MINDY2: variants seen among roughly 807,000 people sequenced by gnomAD.
MINDY2 encodes the protein MINDY lysine 48 deubiquitinase 2, also known as ubiquitin carboxyl-terminal hydrolase MINDY-2.
MINDY2 carries 52 observed loss-of-function variants against 68.2 expected under a neutral mutation model. The ratio of observed to expected loss-of-function variants is 0.76; its 90% CI spans 0.61 to 0.96. MINDY2 has a LOEUF of 0.96. Among genes scored for constraint, MINDY2 ranks in the 40% least tolerant of loss-of-function variants. MINDY2 has a pLI of 0.00. For missense variants in MINDY2, 881 were observed against 773.4 expected (o/e 1.14, Z -1.65); for synonymous variants, 372 against 303.0 (o/e 1.23, Z -2.36).
chr15:58,801,486 C>T (rs1433445196), intron 2 of MINDY2, among the ~76,000 whole-genome samples: 18 of 145,650 alleles, frequency 1.2e-4, no homozygotes, highest in African/African-American at 3.6e-4. Flanking sequence ...AAAGATAATA[C>T]GTAGATTTAA....
Position 58,851,962 on chromosome 15 carries a change from T to C in MINDY2, c.1734T>C (p.Ala578=), listed in dbSNP as rs2032837239. The change falls in exon 8 of 9, where the codon GCT becomes GCC. Residue 578 remains alanine (A), a synonymous_variant. Transcript: ENST00000559228. ...CTGCTGCTGCTGCTTCTACACAGGC[T>C]CAGGTAAAAACTAGTGTTTTGAGTC... ...AAAAAAASTQ[A]QQGQPAQASP... is the part of the protein sequence containing the mutation. 1 of 1,578,906 alleles carries C rather than the reference T, an allele frequency of 6.3e-7. No individual in the cohort carries two copies. Among genetic ancestry groups the C allele is most frequent in the Non-Finnish European group, 8.6e-7 (1 of 1,169,556 alleles).
intron 4 of MINDY2, among the ~76,000 whole-genome samples, chr15:58,811,911 A>G (rs1254492010): frequency 3.3e-5 from 5 of 152,190 alleles, no homozygotes; most frequent in South Asian, 2.1e-4. Context: ...GTCTACTCCT[A>G]TACTGTTTTA....
At position 58,857,177 on chromosome 15, in the gene MINDY2, G is replaced by A. The variant is rs1418425374; in HGVS notation, c.*2567G>A. 1.9e-4 allele frequency: 29 copies of A among 152,116 alleles called. No individual in the cohort carries two copies. Among genetic ancestry groups the A allele is most frequent in the Admixed American group, 5.9e-4 (9 of 15,254 alleles). The allele number at this position is 152,116 out of a possible 1,614,324, so 9.4% of individuals were successfully genotyped here. Reference sequence around the variant, plus strand: ...TAAAATGTTTGCTTTGATTACTGTGGGGGGAAAGATGAAATGTTCAATTGT... The same window carrying A: ...TAAAATGTTTGCTTTGATTACTGTGAGGGGAAAGATGAAATGTTCAATTGT... On this transcript the variant is annotated 3_prime_UTR_variant, in exon 9 of 9. Coordinates refer to ENST00000559228, the MANE Select transcript of MINDY2 (RefSeq NM_001040450.3).
chr15:58,778,215 A>G (rs1453566184), intron 1 of MINDY2, among the ~76,000 whole-genome samples: 3 of 152,210 alleles, frequency 2.0e-5, no homozygotes, highest in Admixed American at 2.0e-4. Flanking sequence ...ATTGTGATAG[A>G]GAAGATAGAG....
chr15:58,851,710 G>A (rs2032820994), intron 7 of MINDY2, 61 bp from the exon 8 acceptor site: 1 of 1,244,446 alleles, frequency 8.0e-7, no homozygotes, highest in Non-Finnish European at 1.1e-6. Flanking sequence ...GTTTGTATTT[G>A]CAGTCATTCA....
chr15:58,860,598 T>G lies in MINDY2; in HGVS notation c.*5988T>G, dbSNP rs1421095741. ...TCTCAAAAAAAAAAAAAAAAAAAAG[T>G]CAAGAAACTGAAATTCCCATTTAAG... On this transcript the variant is annotated 3_prime_UTR_variant, in exon 9 of 9. Coordinates refer to ENST00000559228, the MANE Select transcript of MINDY2 (RefSeq NM_001040450.3). The G allele has an allele frequency of 7.2e-6, 1 of 137,960 alleles. No homozygotes were observed. The highest frequency in any genetic ancestry group is 7.1e-5 in the Admixed American group (1 of 14,154). The allele number at this position is 137,960 out of a possible 1,614,324, so 8.5% of individuals were successfully genotyped here. A position where few individuals can be genotyped will look rare whatever the true frequency, so the allele number is the denominator to read the frequency against.
chr15:58,787,661 G>A (rs548433092), intron 1 of MINDY2, among the ~76,000 whole-genome samples: 158 of 151,042 alleles, frequency 1.0e-3, no homozygotes, highest in Middle Eastern at 3.4e-3. Context: ...GGCCTGAACC[G>A]GAGAGGCGCA....
At chr15:58,828,575 C>CT (rs1163905877) in intron 5 of MINDY2, among the ~76,000 whole-genome samples, 14,745 of 106,104 alleles carry the variant, frequency 0.14, 1,570 homozygotes, top group African/African-American at 0.27. Flanking sequence ...TATTGAATTT[C>CT]TTTTTTTTTT....
Position 58,851,780 on chromosome 15 carries a change from A to G in MINDY2, c.1552A>G (p.Met518Val). 6.3e-7 allele frequency: 1 copy of G among 1,578,272 alleles called. No homozygotes were observed. The highest frequency in any genetic ancestry group is 8.6e-7 in the Non-Finnish European group (1 of 1,169,210). ...TAATTTAATTTATTAGGATTATCTT[A>G]TGGCATTATCTCTACAACAAGAACA... Reference protein sequence around the residue: ...QQDQIDQDYLMALSLQQEQQS... With the variant: ...QQDQIDQDYLVALSLQQEQQS... The change falls in exon 8 of 9, where the codon ATG becomes GTG. Residue 518 changes from methionine to valine, a missense_variant. Met to Val is a conservative substitution (Grantham distance 21). Coordinates refer to ENST00000559228, the MANE Select transcript of MINDY2 (RefSeq NM_001040450.3).
chr15:58,843,577 T>G (rs916750492), intron 6 of MINDY2, among the ~76,000 whole-genome samples: 1 of 152,110 alleles, frequency 6.6e-6, no homozygotes, highest in African/African-American at 2.4e-5. Flanking sequence ...CCCTCGTAAA[T>G]TAATTCTACA....
chr15:58,776,563 GT>G (rs1567035576), intron 1 of MINDY2, among the ~76,000 whole-genome samples: 1 of 152,202 alleles, frequency 6.6e-6, no homozygotes, highest in South Asian at 2.1e-4. Flanking sequence ...AGCTAATAGA[GT>G]AGGGAAGATT....
At chr15:58,830,222 A>T (rs538910729) in intron 5 of MINDY2, among the ~76,000 whole-genome samples, 1 of 152,338 alleles carries the variant, frequency 6.6e-6, no homozygotes, top group Admixed American at 6.5e-5. Context: ...GATAAATATG[A>T]GTGAGTTTTT....
At chr15:58,850,343 A>T (rs1031939513) in intron 7 of MINDY2, among the ~76,000 whole-genome samples, 2 of 152,200 alleles carry the variant, frequency 1.3e-5, no homozygotes, top group Non-Finnish European at 2.9e-5. Context: ...ATTTTCTTAA[A>T]CAGAAGACTT....
intron 1 of MINDY2, among the ~76,000 whole-genome samples, chr15:58,781,759 C>T (rs1901160865): frequency 6.6e-6 from 1 of 151,876 alleles, no homozygotes; most frequent in South Asian, 2.1e-4. Context: ...AAAAATTAGC[C>T]GTGTGTGGTG....
Position 58,807,499 on chromosome 15 carries a change from A to G in MINDY2, c.964-2731A>G, listed in dbSNP as rs111525768. On this transcript the variant is annotated intron_variant, in intron 3 of 8. Coordinates refer to ENST00000559228, the MANE Select transcript of MINDY2 (RefSeq NM_001040450.3). ...GCCTCCCGAGTAGCTGAGAGAGACT[A>G]CAGGCGCCCGCCATCATGCCTGGCT... Among the ~76,000 whole-genome samples the G allele has an allele frequency of 6.4e-3, 969 of 151,846 alleles. 6 individuals are homozygous for G. Among genetic ancestry groups the G allele is most frequent in the Non-Finnish European group, 8.7e-3 (591 of 67,934 alleles).
chr15:58,796,683 C>T (rs1285923538), intron 2 of MINDY2, among the ~76,000 whole-genome samples: 1 of 152,180 alleles, frequency 6.6e-6, no homozygotes, highest in Non-Finnish European at 1.5e-5. Flanking sequence ...CCACCATGCC[C>T]AGCTAATTTT....
chr15:58,774,492 G>GA (rs11385535), intron 1 of MINDY2, among the ~76,000 whole-genome samples: 27,408 of 93,028 alleles, frequency 0.29, 3,222 homozygotes, highest in South Asian at 0.44. Context: ...CCCAAAAAAA[G>GA]AAAAAAAAAA....
chr15:58,852,094 C>T (rs1248880003), intron 8 of MINDY2, 129 bp downstream of exon 8: 2 of 613,764 alleles, frequency 3.3e-6, no homozygotes, highest in Non-Finnish European at 5.4e-6. Flanking sequence ...CGAGACCAGC[C>T]TGGCCAACAT....
At chr15:58,803,916 G>A (rs908034928) in intron 3 of MINDY2, among the ~76,000 whole-genome samples, 5 of 145,386 alleles carry the variant, frequency 3.4e-5, no homozygotes, top group Non-Finnish European at 7.5e-5. Flanking sequence ...AGACCATCCT[G>A]GCTAACATGG....
Sources: gnomAD v4.1 joint callset for allele counts (sites outside exome capture counted in the v4.1 genomes callset) on GRCh38, gnomAD v4.1.1 for gene constraint, MANE v1.5 for transcripts, NCBI Gene and HGNC (gene_info 2026-07-23, HGNC 2026-07-21) for gene names.